Variants in EYS observed in about 807,000 individuals in gnomAD.
EYS encodes the protein EGF-like photoreceptor maintenance factor.
EYS carries 250 observed loss-of-function variants against 282.1 expected under a neutral mutation model. That is an observed-to-expected ratio of 0.89 (90% CI 0.80 to 0.98). The LOEUF is 0.98. Among genes scored for constraint, EYS ranks in the 50% least tolerant of loss-of-function variants. The pLI is 0.00. For synonymous variants in EYS, 1,355 were observed against 1,282.9 expected (o/e 1.06, Z -1.20); for missense variants, 4,016 against 3,709.0 (o/e 1.08, Z -2.15).
chr6:64,213,023 A>T (rs1380135456), intron 31 of EYS, among the ~76,000 whole-genome samples: 2 of 152,142 alleles, frequency 1.3e-5, no homozygotes, highest in Non-Finnish European at 2.9e-5. Context: ...AAAACCAAAT[A>T]TTCCATGTTT....
chr6:65,700,812 T>C lies in EYS; in HGVS notation c.-448+6323A>G, dbSNP rs188107029. 6.6e-5 allele frequency among the ~76,000 whole-genome samples: 10 copies of C among 152,322 alleles called. No homozygotes were observed. In the East Asian group the frequency reaches 1.5e-3, roughly 24 times the overall value. Reference sequence around the variant, plus strand: ...TTTGTAATGTGTTTGCCGTACGTTCTTCAGCATAGATATAGTCTTGTAAAA... The same window carrying C: ...TTTGTAATGTGTTTGCCGTACGTTCCTCAGCATAGATATAGTCTTGTAAAA... On this transcript the variant is annotated intron_variant, in intron 1 of 42. Coordinates refer to ENST00000503581, the MANE Select transcript of EYS (RefSeq NM_001142800.2).
At chr6:64,905,818 C>G (rs887585118) in intron 16 of EYS, among the ~76,000 whole-genome samples, 2 of 151,894 alleles carry the variant, frequency 1.3e-5, no homozygotes, top group Admixed American at 1.3e-4. Context: ...TTTTAACAAT[C>G]TCCACTTCAT....
At chr6:64,108,505 T>G (rs1773103455) in intron 31 of EYS, among the ~76,000 whole-genome samples, 1 of 140,402 alleles carries the variant, frequency 7.1e-6, no homozygotes, top group African/African-American at 2.9e-5. Flanking sequence ...AGTCCACTAC[T>G]GCTTTTTTTT....
At chr6:64,612,723 G>A (rs1767152472) in intron 24 of EYS, among the ~76,000 whole-genome samples, 1 of 151,972 alleles carries the variant, frequency 6.6e-6, no homozygotes, top group Admixed American at 6.6e-5. Flanking sequence ...ACCCAGCAGG[G>A]ACTATTTACC....
intron 12 of EYS, among the ~76,000 whole-genome samples, chr6:65,288,711 A>T (rs1330889421): frequency 6.6e-6 from 1 of 151,076 alleles, no homozygotes; most frequent in Admixed American, 6.6e-5. Flanking sequence ...ATGTGAGTAA[A>T]TCTAATATTG....
At chr6:64,852,605 G>A (rs569001048) in intron 19 of EYS, among the ~76,000 whole-genome samples, 1 of 152,248 alleles carries the variant, frequency 6.6e-6, no homozygotes, top group African/African-American at 2.4e-5. Context: ...CTGAATGTTT[G>A]TAGATGTAAT....
At chr6:64,658,347 C>T (rs1768841871) in intron 22 of EYS, among the ~76,000 whole-genome samples, 1 of 152,176 alleles carries the variant, frequency 6.6e-6, no homozygotes, top group South Asian at 2.1e-4. Flanking sequence ...CTTCTTCTCT[C>T]AGCTCATCAA....
intron 35 of EYS, among the ~76,000 whole-genome samples, chr6:63,905,053 T>C (rs903685670): frequency 7.9e-5 from 12 of 152,226 alleles, no homozygotes; most frequent in African/African-American, 2.4e-4. Context: ...CAGTCACTCG[T>C]CATTTCCTGC....
rs529780336 is a variant in EYS, at chr6:65,541,002, T to C, written c.-332-45009A>G. 3.3e-5 allele frequency among the ~76,000 whole-genome samples: 5 copies of C among 152,334 alleles called. No homozygotes were observed. In the East Asian group the frequency reaches 7.7e-4, roughly 23 times the overall value. On this transcript the variant is annotated intron_variant, in intron 2 of 42. Transcript: ENST00000503581. ...TATCACAATTTTTATTTTTATTTAG[T>C]ACTTATATTTATTCCTTCATTTTAG... is the stretch of plus-strand genomic sequence containing the variant.
At chr6:64,207,880 A>T (rs1765655519) in intron 31 of EYS, among the ~76,000 whole-genome samples, 1 of 152,118 alleles carries the variant, frequency 6.6e-6, no homozygotes, top group South Asian at 2.1e-4. Context: ...GCTGGTCTCG[A>T]ACTCCTGACC....
chr6:65,533,767 G>A (rs140455909), intron 2 of EYS, among the ~76,000 whole-genome samples: 22 of 152,196 alleles, frequency 1.4e-4, no homozygotes, highest in African/African-American at 5.3e-4. Context: ...CCTTGATCTT[G>A]AATTTCTCAG....
At chr6:64,119,155 G>T (rs111345290) in intron 31 of EYS, among the ~76,000 whole-genome samples, 10,397 of 152,094 alleles carry the variant, frequency 0.068, 1,064 homozygotes, top group African/African-American at 0.23. Context: ...ATTTGATTCA[G>T]ATCTTCAGAT....
chr6:63,858,658 G>C (rs912137327), intron 36 of EYS, among the ~76,000 whole-genome samples: 5 of 152,094 alleles, frequency 3.3e-5, no homozygotes, highest in African/African-American at 1.2e-4. Flanking sequence ...TCTGGGATTA[G>C]GCTTGACCTT....
intron 29 of EYS, among the ~76,000 whole-genome samples, chr6:64,387,885 T>C (rs1772965957): frequency 6.6e-6 from 1 of 152,122 alleles, no homozygotes; most frequent in African/African-American, 2.4e-5. Flanking sequence ...TTTTATCTTG[T>C]ATACTACGGA....
chr6:65,658,177 GGTATGCCT>G (rs1305367554), intron 1 of EYS, among the ~76,000 whole-genome samples: 1 of 151,582 alleles, frequency 6.6e-6, no homozygotes, highest in African/African-American at 2.4e-5. Flanking sequence ...ATATCTATGA[GGTATGCCT>G]GTATTATCAA....
At position 64,759,624 on chromosome 6, in the gene EYS, C is replaced by T. The variant is rs558505719; in HGVS notation, c.3443+53754G>A. Among the ~76,000 whole-genome samples, 7 of 152,080 alleles carry T rather than the reference C, an allele frequency of 4.6e-5. No individual in the cohort carries two copies. In the South Asian group the frequency reaches 1.5e-3, roughly 32 times the overall value. ...AGGTTAAAAATAACTAGAAGTTCTA[C>T]ATATATTTCATAGATATAGATAAAA... On this transcript the variant is annotated intron_variant, in intron 22 of 42. Transcript: ENST00000503581.
At chr6:65,256,351 G>C (rs951228099) in intron 12 of EYS, among the ~76,000 whole-genome samples, 73 of 136,540 alleles carry the variant, frequency 5.3e-4, no homozygotes, top group African/African-American at 2.1e-3. Flanking sequence ...CATGTGCCAT[G>C]CTGGTGTGCT....
chr6:63,757,689 C>A (rs1017059906), intron 41 of EYS, among the ~76,000 whole-genome samples: 8 of 152,078 alleles, frequency 5.3e-5, no homozygotes, highest in African/African-American at 1.9e-4. Flanking sequence ...TGTACTCTTT[C>A]TCTTTATTTC....
intron 12 of EYS, among the ~76,000 whole-genome samples, chr6:65,167,264 T>A (rs939753641): frequency 6.6e-6 from 1 of 151,280 alleles, no homozygotes; most frequent in African/African-American, 2.4e-5. Flanking sequence ...GATGAATGAA[T>A]AAACAAATGT....
Sources: gnomAD v4.1 joint callset for allele counts (sites outside exome capture counted in the v4.1 genomes callset) on GRCh38, gnomAD v4.1.1 for gene constraint, MANE v1.5 for transcripts, NCBI Gene and HGNC (gene_info 2026-07-23, HGNC 2026-07-21) for gene names.